Variants in EPM2A observed in about 807,000 individuals in gnomAD.
EPM2A encodes laforin.
Under a neutral mutation model 26.5 loss-of-function variants are expected in EPM2A, and 21 were observed. The observed-to-expected ratio is 0.79, with a 90% CI of 0.56 to 1.14. EPM2A has a LOEUF of 1.14. Among genes scored for constraint, EPM2A ranks in the 50% most tolerant of loss-of-function variants. The pLI is 0.00. For missense variants in EPM2A, 458 were observed against 440.8 expected, an observed-to-expected ratio of 1.04 and a Z score of -0.35; for synonymous variants, 217 against 177.6, an observed-to-expected ratio of 1.22 and a Z score of -1.76.
At chr6:145,589,815 A>G (rs999300022) in intron 2 of EPM2A, among the ~76,000 whole-genome samples, 4 of 151,776 alleles carry the variant, frequency 2.6e-5, no homozygotes, top group African/African-American at 9.7e-5. Context: ...ATGACACCAA[A>G]GTTCTGAAGC....
At chr6:145,501,717 A>G (rs551765473) in exon 4 of EPM2A, 1 of 460,918 alleles carries the variant, frequency 2.2e-6, no homozygotes, top group South Asian at 1.6e-5. Context: ...AATGCTTATG[A>G]AATTTTTCTT....
chr6:145,698,526 T>C (rs957334022), intron 1 of EPM2A, among the ~76,000 whole-genome samples: 4 of 149,518 alleles, frequency 2.7e-5, no homozygotes, highest in South Asian at 2.1e-4. Context: ...GAGCAGAAAA[T>C]AGTACAACAA....
At chr6:145,584,631 C>T (rs1469464772) in intron 2 of EPM2A, among the ~76,000 whole-genome samples, 1 of 152,158 alleles carries the variant, frequency 6.6e-6, no homozygotes, top group East Asian at 1.9e-4. Context: ...CATGGGTTCT[C>T]CTGCAGCTAG....
chr6:145,613,667 A>G (rs1347324393), intron 2 of EPM2A, among the ~76,000 whole-genome samples: 1 of 152,190 alleles, frequency 6.6e-6, no homozygotes, highest in Non-Finnish European at 1.5e-5. Flanking sequence ...ATATTTATCA[A>G]AACCTTTGGG....
intron 2 of EPM2A, among the ~76,000 whole-genome samples, chr6:145,541,091 G>A (rs1330966460): frequency 6.6e-6 from 1 of 151,814 alleles, no homozygotes; most frequent in Non-Finnish European, 1.5e-5. Flanking sequence ...GTGAGCAGAT[G>A]TCTTGTGACC....
chr6:145,709,738 A>G (rs774861818), intron 1 of EPM2A, among the ~76,000 whole-genome samples: 2 of 152,184 alleles, frequency 1.3e-5, no homozygotes, highest in Non-Finnish European at 2.9e-5. Context: ...TTGAATAGAG[A>G]AGAAACACAA....
chr6:145,547,751 A>G (rs773441329), intron 2 of EPM2A, among the ~76,000 whole-genome samples: 12 of 152,146 alleles, frequency 7.9e-5, no homozygotes, highest in Non-Finnish European at 1.5e-5. Context: ...GAAAGATAAC[A>G]TAAGAATCTT....
At chr6:145,607,788 C>A (rs759574241) in intron 2 of EPM2A, among the ~76,000 whole-genome samples, 1 of 152,172 alleles carries the variant, frequency 6.6e-6, no homozygotes, top group Non-Finnish European at 1.5e-5. Flanking sequence ...AAAAGAGATA[C>A]GTTACTGTTC....
intron 1 of EPM2A, among the ~76,000 whole-genome samples, chr6:145,716,674 A>G (rs1775643899): frequency 6.6e-6 from 1 of 151,880 alleles, no homozygotes; most frequent in African/African-American, 2.4e-5. Context: ...CTTCACCCCA[A>G]AATGCATTCA....
intron 1 of EPM2A, among the ~76,000 whole-genome samples, chr6:145,720,131 G>A (rs191728522): frequency 1.6e-3 from 236 of 152,118 alleles, no homozygotes; most frequent in Middle Eastern, 3.4e-3. Context: ...ACAATAAAAA[G>A]ACAACATTAT....
At chr6:145,405,764 A>T (rs561785863) in intron 4 of EPM2A, among the ~76,000 whole-genome samples, 1 of 152,260 alleles carries the variant, frequency 6.6e-6, no homozygotes, top group South Asian at 2.1e-4. Flanking sequence ...TTCAGGTAAG[A>T]AATAGTCATT....
intron 4 of EPM2A, among the ~76,000 whole-genome samples, chr6:145,468,292 A>G (rs1421175535): frequency 6.6e-6 from 1 of 152,182 alleles, no homozygotes; most frequent in African/African-American, 2.4e-5. Flanking sequence ...GTGCATGAAT[A>G]GCAATACTTC....
intron 2 of EPM2A, among the ~76,000 whole-genome samples, chr6:145,521,685 C>T (rs1189697380): frequency 6.6e-6 from 1 of 152,118 alleles, no homozygotes; most frequent in East Asian, 1.9e-4. Context: ...GGTAAAAACT[C>T]TAGATTGTTG....
chr6:145,512,222 C>T (rs1350354314), intron 2 of EPM2A, among the ~76,000 whole-genome samples: 1 of 152,100 alleles, frequency 6.6e-6, no homozygotes, highest in South Asian at 2.1e-4. Context: ...TTACCAATCT[C>T]ATTTTCCACA....
At chr6:145,696,775 ATGTGTGTGTG>A (rs35621582) in intron 1 of EPM2A, among the ~76,000 whole-genome samples, 3,046 of 135,272 alleles carry the variant, frequency 0.023, 47 homozygotes, top group Middle Eastern at 0.03. Context: ...AGGTAGGGGT[ATGTGTGTGTG>A]TGTGTGTGTG....
intron 2 of EPM2A, among the ~76,000 whole-genome samples, chr6:145,673,436 G>A (rs1385604791): frequency 6.6e-6 from 1 of 152,206 alleles, no homozygotes; most frequent in South Asian, 2.1e-4. Context: ...GACAGTGGGT[G>A]CAGCCCACGG....
chr6:145,680,548 C>T (rs901910317), intron 2 of EPM2A, among the ~76,000 whole-genome samples: 3 of 151,874 alleles, frequency 2.0e-5, no homozygotes, highest in South Asian at 2.1e-4. Context: ...CCACTCCCCC[C>T]ACCCCACAAC....
intron 4 of EPM2A, among the ~76,000 whole-genome samples, chr6:145,476,495 A>G (rs1246929410): frequency 1.3e-5 from 2 of 152,096 alleles, no homozygotes; most frequent in African/African-American, 4.8e-5. Context: ...GCTTAAGAAT[A>G]CACATTCTTT....
chr6:145,565,052 C>CT (rs1780864574), intron 2 of EPM2A, among the ~76,000 whole-genome samples: 2 of 152,148 alleles, frequency 1.3e-5, no homozygotes, highest in South Asian at 2.1e-4. Flanking sequence ...ATGGGTGACT[C>CT]TGTCCCTCTT....
Sources: allele counts gnomAD v4.1 joint callset (sites outside exome capture counted in the v4.1 genomes callset), GRCh38; gene constraint gnomAD v4.1.1; transcripts MANE v1.5; gene names NCBI Gene and HGNC (gene_info 2026-07-23, HGNC 2026-07-21).